Variants in GPHN observed in about 807,000 individuals in gnomAD.
GPHN encodes gephyrin.
GPHN carries 17 observed loss-of-function variants against 95.5 expected under a neutral mutation model. That is an observed-to-expected ratio of 0.18 (90% confidence interval 0.12 to 0.27). The LOEUF (loss-of-function observed/expected upper bound fraction) is 0.27. GPHN is among the 10% of genes least tolerant of loss of function. GPHN has a pLI of 1.00. For missense variants in GPHN, 660 were observed against 978.1 expected (o/e 0.67, Z 4.34); for synonymous variants, 320 against 322.5 (o/e 0.99, Z 0.08).
chr14:67,052,718 C>A (rs1327581055), intron 10 of GPHN, among the ~76,000 whole-genome samples: 1 of 151,970 alleles, frequency 6.6e-6, no homozygotes, highest in African/African-American at 2.4e-5. Flanking sequence ...CTAACAAATG[C>A]CAAACAACTG....
chr14:67,396,155 G>GT, the GPHN span, among the ~76,000 whole-genome samples: 45 of 150,516 alleles, frequency 3.0e-4, no homozygotes, highest in Non-Finnish European at 5.5e-4. Context: ...TTTGTTTTTT[G>GT]TTTTTTTCTT....
At chr14:67,450,728 C>T in the GPHN span, among the ~76,000 whole-genome samples, 1 of 152,168 alleles carries the variant, frequency 6.6e-6, no homozygotes, top group Non-Finnish European at 1.5e-5. Context: ...ATAAGGGAAG[C>T]AGAGCATAAA....
chr14:66,508,614 G>A, intron 1 of GPHN, 23 bp downstream of exon 1: 1 of 1,593,282 alleles, frequency 6.3e-7, no homozygotes, highest in Non-Finnish European at 8.6e-7. Context: ...GGAGGTCTGG[G>A]ACCTATGAGG....
chr14:67,156,938 C>T (rs967008323), intron 18 of GPHN, among the ~76,000 whole-genome samples: 1 of 150,598 alleles, frequency 6.6e-6, no homozygotes, highest in Non-Finnish European at 1.5e-5. Flanking sequence ...CGCCACTGCA[C>T]TCCAGCCTGG....
the GPHN span, chr14:67,333,039 T>G: frequency 1.6e-6 from 2 of 1,250,766 alleles, no homozygotes; most frequent in Non-Finnish European, 2.3e-6. Context: ...GCAGCAAGAT[T>G]GAGGATAAGA....
chr14:66,619,956 A>G (rs542641488), intron 1 of GPHN, among the ~76,000 whole-genome samples: 2 of 152,256 alleles, frequency 1.3e-5, no homozygotes, highest in African/African-American at 4.8e-5. Flanking sequence ...CTTACGGGCC[A>G]GGTTAGGAGA....
chr14:66,656,496 A>C (rs754112789), intron 1 of GPHN, among the ~76,000 whole-genome samples: 1 of 152,072 alleles, frequency 6.6e-6, no homozygotes, highest in African/African-American at 2.4e-5. Flanking sequence ...ATTGGGCTTT[A>C]CATTTTGACT....
chr14:67,020,469 C>G (rs1036587467), intron 9 of GPHN, among the ~76,000 whole-genome samples: 1 of 151,894 alleles, frequency 6.6e-6, no homozygotes, highest in Admixed American at 6.6e-5. Context: ...CACTTTTGTT[C>G]CTTACATTTA....
intron 11 of GPHN, among the ~76,000 whole-genome samples, chr14:67,059,307 A>G (rs932030502): frequency 6.6e-6 from 1 of 152,198 alleles, no homozygotes; most frequent in African/African-American, 2.4e-5. Context: ...TTTAATTAAC[A>G]ACTTCCATTT....
At chr14:67,518,249 A>G in the GPHN span, among the ~76,000 whole-genome samples, 7 of 152,250 alleles carry the variant, frequency 4.6e-5, no homozygotes, top group Admixed American at 4.6e-4. Flanking sequence ...AGGAACAGAC[A>G]GGCTTTGCTC....
chr14:67,297,518 A>G, the GPHN span, among the ~76,000 whole-genome samples: 13 of 152,336 alleles, frequency 8.5e-5, no homozygotes, highest in South Asian at 2.7e-3. Context: ...ATGATTGCGA[A>G]TCTACTGAAG....
At chr14:67,409,287 T>C in the GPHN span, among the ~76,000 whole-genome samples, 1 of 150,288 alleles carries the variant, frequency 6.7e-6, no homozygotes, top group Non-Finnish European at 1.5e-5. Flanking sequence ...CTCACACCTC[T>C]AATCTCAGCA....
chr14:66,903,424 T>A (rs2065216379), intron 5 of GPHN, among the ~76,000 whole-genome samples: 1 of 152,158 alleles, frequency 6.6e-6, no homozygotes, highest in Non-Finnish European at 1.5e-5. Flanking sequence ...ACAGTTACAG[T>A]TGTTGATTTG....
chr14:66,918,829 T>G lies in GPHN; in HGVS notation c.456+2760T>G, dbSNP rs7142580. ...GTTAAATTCTTTACCACACAATCTT[T>G]AAAGAGTAAACTGATTGAGCCATAC... On this transcript the variant is annotated intron_variant, in intron 6 of 22. Transcript: ENST00000478722. Among the ~76,000 whole-genome samples, 1,512 of 152,248 alleles carry G rather than the reference T, an allele frequency of 9.9e-3. 20 individuals are homozygous for G. Among genetic ancestry groups the G allele is most frequent in the African/African-American group, 0.034 (1,400 of 41,562 alleles).
the GPHN span, chr14:67,352,696 G>A: frequency 4.9e-6 from 2 of 410,742 alleles, no homozygotes; most frequent in South Asian, 7.4e-5. Flanking sequence ...AGGTAAGAGA[G>A]GCAGGCGGGG....
At chr14:66,916,511 TTTG>T (rs2065913357) in intron 6 of GPHN, among the ~76,000 whole-genome samples, 1 of 150,080 alleles carries the variant, frequency 6.7e-6, no homozygotes, top group Non-Finnish European at 1.5e-5. Context: ...GGTTTTTTTT[TTTG>T]TTTTGTTTTG....
chr14:67,632,539 G>A, the GPHN span, among the ~76,000 whole-genome samples: 1 of 152,060 alleles, frequency 6.6e-6, no homozygotes, highest in Non-Finnish European at 1.5e-5. Context: ...TTGGAGCAAG[G>A]TGCCCACCAT....
At chr14:66,778,522 G>A (rs992730181) in intron 3 of GPHN, among the ~76,000 whole-genome samples, 6 of 152,050 alleles carry the variant, frequency 3.9e-5, no homozygotes, top group Non-Finnish European at 7.4e-5. Flanking sequence ...TTTTTCAAAA[G>A]CAAGATTGAA....
At chr14:67,710,165 C>A in the GPHN span, among the ~76,000 whole-genome samples, 1 of 152,138 alleles carries the variant, frequency 6.6e-6, no homozygotes, top group Non-Finnish European at 1.5e-5. Context: ...TAAAACCAAG[C>A]TGTTCCCTGA....
Sources: allele counts gnomAD v4.1 joint callset (sites outside exome capture counted in the v4.1 genomes callset), GRCh38; gene constraint gnomAD v4.1.1; transcripts MANE v1.5; gene names NCBI Gene and HGNC (gene_info 2026-07-23, HGNC 2026-07-21).